The following ME3 variants were observed in gnomAD, a reference collection of about 807,000 sequenced individuals.
ME3 encodes the protein NADP-dependent malic enzyme, mitochondrial.
Under a neutral mutation model 68.9 loss-of-function variants are expected in ME3, and 48 were observed. The ratio of observed to expected loss-of-function variants is 0.70; its 90% CI spans 0.55 to 0.89. The LOEUF (loss-of-function observed/expected upper bound fraction) is 0.89. Ranked by LOEUF, ME3 falls within the 40% of genes least tolerant of loss-of-function variation. The probability of loss-of-function intolerance (pLI) is 0.00; values close to 1 mark genes in which losing one functional copy is unlikely to be tolerated. For missense variants in ME3, 675 were observed against 797.4 expected (o/e 0.85, Z 1.85); for synonymous variants, 320 against 318.8 (o/e 1.00, Z -0.04).
At chr11:86,554,225 G>C (rs966884892) in intron 4 of ME3, among the ~76,000 whole-genome samples, 1 of 152,168 alleles carries the variant, frequency 6.6e-6, no homozygotes, top group South Asian at 2.1e-4. Flanking sequence ...GTTTCCATAA[G>C]AGCATATGGA....
At chr11:86,589,275 G>C (rs1358723615) in intron 2 of ME3, among the ~76,000 whole-genome samples, 1 of 152,064 alleles carries the variant, frequency 6.6e-6, no homozygotes, top group African/African-American at 2.4e-5. Flanking sequence ...CCTCAGGGCA[G>C]GTACTATGTT....
chr11:86,486,737 G>A (rs1951714215), intron 7 of ME3, among the ~76,000 whole-genome samples: 1 of 152,198 alleles, frequency 6.6e-6, no homozygotes, highest in Non-Finnish European at 1.5e-5. Context: ...CCATCCCAGC[G>A]GCACGTCAGC....
At chr11:86,601,767 G>A (rs909098891) in intron 2 of ME3, among the ~76,000 whole-genome samples, 1 of 151,916 alleles carries the variant, frequency 6.6e-6, no homozygotes, top group African/African-American at 2.4e-5. Context: ...GATCAAGTGG[G>A]CTTCATCCCT....
chr11:86,446,353 G>A lies in ME3; in HGVS notation c.1515C>T (p.Ile505=), dbSNP rs768101261. 3.7e-6 allele frequency: 6 copies of A among 1,614,172 alleles called. No homozygotes were observed. In the South Asian group the frequency reaches 6.6e-5, roughly 18 times the overall value. The change falls in exon 13 of 15, where the codon ATC becomes ATT. Residue 505 remains isoleucine, a synonymous_variant. Transcript: ENST00000543262. The stretch of plus-strand genomic sequence containing the variant: ...GGAAGATCTCATCTGGGATGTGCCG[G>A]ATCCCGCCGGCGATGACTCCCAGTG...
At chr11:86,660,850 G>A (rs1023378366) in intron 2 of ME3, among the ~76,000 whole-genome samples, 1 of 152,176 alleles carries the variant, frequency 6.6e-6, no homozygotes, top group Non-Finnish European at 1.5e-5. Context: ...TTAAAGAAAT[G>A]TATTTCCAAA....
intron 2 of ME3, among the ~76,000 whole-genome samples, chr11:86,604,416 G>A (rs1036528908): frequency 3.3e-5 from 5 of 151,838 alleles, no homozygotes; most frequent in African/African-American, 1.2e-4. Context: ...TTTATTTTTG[G>A]TTTACACTAC....
chr11:86,506,719 G>A (rs638492), intron 5 of ME3, among the ~76,000 whole-genome samples: 31,388 of 152,128 alleles, frequency 0.21, 3,471 homozygotes, highest in East Asian at 0.32. Flanking sequence ...CTCTGTGTAA[G>A]CATCTACTGA....
intron 5 of ME3, among the ~76,000 whole-genome samples, chr11:86,508,342 C>T (rs992093893): frequency 1.8e-4 from 28 of 152,206 alleles, no homozygotes; most frequent in African/African-American, 6.5e-4. Flanking sequence ...GGCTAAAAAT[C>T]GTCATTGCCT....
intron 2 of ME3, among the ~76,000 whole-genome samples, chr11:86,607,459 T>TG (rs1473908946): frequency 6.7e-6 from 1 of 150,348 alleles, no homozygotes; most frequent in Non-Finnish European, 1.5e-5. Context: ...ATAGTTTTTT[T>TG]TTTTTTTTTT....
At chr11:86,466,751 T>G (rs1950502725) in intron 7 of ME3, among the ~76,000 whole-genome samples, 1 of 152,200 alleles carries the variant, frequency 6.6e-6, no homozygotes, top group South Asian at 2.1e-4. Context: ...AGGCTGTTGG[T>G]AGAAGGACTG....
intron 2 of ME3, among the ~76,000 whole-genome samples, chr11:86,590,427 G>C (rs1224239013): frequency 6.6e-6 from 1 of 152,242 alleles, no homozygotes. Context: ...AGAGAAAGGA[G>C]AGAATAGATC....
chr11:86,573,203 C>A (rs2139562080), intron 2 of ME3, among the ~76,000 whole-genome samples: 1 of 152,192 alleles, frequency 6.6e-6, no homozygotes, highest in East Asian at 1.9e-4. Flanking sequence ...GAGTAAATTG[C>A]AAAAATTTCC....
chr11:86,570,167 G>GT, intron 2 of ME3, among the ~76,000 whole-genome samples: 1 of 152,206 alleles, frequency 6.6e-6, no homozygotes, highest in Admixed American at 6.5e-5. Context: ...CCGTGTAACA[G>GT]TAAAGGTATT....
chr11:86,617,045 GTTTTTTTTTTTTTTT>G lies in ME3; in HGVS notation c.183+54702_183+54716del, dbSNP rs563738961. On this transcript the variant is annotated intron_variant, in intron 2 of 14. Transcript: ENST00000543262. Reference sequence around the variant, plus strand: ...ACATCTAAAATACTCCAAGATAGTAGTTTTTTTTTTTTTTTTTTTTTTTTTTTTTTTTTAAAGATG... The same window carrying G: ...ACATCTAAAATACTCCAAGATAGTAGTTTTTTTTTTTTTTTTTTAAAGATG... Among the ~76,000 whole-genome samples, 48 of 56,304 alleles carry G rather than the reference GTTTTTTTTTTTTTTT, an allele frequency of 8.5e-4. 1 individual carries two copies. Among genetic ancestry groups the G allele is most frequent in the Admixed American group, 2.4e-3 (7 of 2,888 alleles). The allele number at this position is 56,304 out of a possible 152,430, so 36.9% of individuals were successfully genotyped here. A position where few individuals can be genotyped will look rare whatever the true frequency, so the allele number is the denominator to read the frequency against.
intron 4 of ME3, 21 bp downstream of exon 4, chr11:86,556,532 C>T (rs1419133200): frequency 1.2e-6 from 2 of 1,608,250 alleles, no homozygotes; most frequent in Non-Finnish European, 1.7e-6. Flanking sequence ...CTCCCAGAGC[C>T]CTCACTCCAC....
intron 4 of ME3, among the ~76,000 whole-genome samples, chr11:86,539,161 C>A (rs185314595): frequency 3.9e-5 from 6 of 152,284 alleles, no homozygotes; most frequent in African/African-American, 1.4e-4. Flanking sequence ...GTGTCCCTTA[C>A]ACTCCCAATC....
intron 2 of ME3, among the ~76,000 whole-genome samples, chr11:86,606,712 G>C (rs942429832): frequency 6.6e-6 from 1 of 152,198 alleles, no homozygotes; most frequent in Non-Finnish European, 1.5e-5. Flanking sequence ...AACTCTCCCA[G>C]TACAGAAAAG....
intron 7 of ME3, among the ~76,000 whole-genome samples, chr11:86,481,915 T>G (rs1951432216): frequency 1.3e-5 from 2 of 152,198 alleles, no homozygotes; most frequent in African/African-American, 4.8e-5. Flanking sequence ...ACCATGATGC[T>G]CATCCCTGTT....
intron 2 of ME3, among the ~76,000 whole-genome samples, chr11:86,577,973 T>C (rs1958211615): frequency 6.6e-6 from 1 of 152,200 alleles, no homozygotes. Context: ...TATTGAAAGA[T>C]TAGTTTTTGC....
Sources: allele counts gnomAD v4.1 joint callset (sites outside exome capture counted in the v4.1 genomes callset), GRCh38; gene constraint gnomAD v4.1.1; transcripts MANE v1.5; gene names NCBI Gene and HGNC (gene_info 2026-07-23, HGNC 2026-07-21).